Variants in ZHX1 observed in about 807,000 individuals in gnomAD.
ZHX1 encodes the protein zinc fingers and homeoboxes 1.
ZHX1 carries 20 observed loss-of-function variants against 61.8 expected under a neutral mutation model. That is an observed-to-expected ratio of 0.32 (90% CI 0.23 to 0.47). ZHX1 has a LOEUF of 0.47. ZHX1 is among the 20% of genes least tolerant of loss of function. The pLI is 1.00. For missense variants in ZHX1, 800 were observed against 1,034.8 expected (o/e 0.77, Z 3.11); for synonymous variants, 318 against 352.6 (o/e 0.90, Z 1.10).
rs200158721 is a variant in ZHX1, at chr8:123,255,348, T to C, written c.599A>G (p.His200Arg). The C allele has an allele frequency of 1.2e-5, 20 of 1,613,984 alleles. No homozygotes were observed. Among genetic ancestry groups the C allele is most frequent in the Non-Finnish European group, 1.7e-5 (20 of 1,180,028 alleles). The change falls in exon 3 of 4, where the codon CAT becomes CGT. Residue 200 changes from histidine (H) to arginine (R), a missense_variant. Coordinates refer to ENST00000395571, the MANE Select transcript of ZHX1 (RefSeq NM_007222.5). ...TTCAGGAACGTCCTCAACTGAGTTA[T>C]GATGAACTGCAATCCGTTTATTTTC... is the stretch of plus-strand genomic sequence containing the variant. ...KVENKRIAVH[H>R]NSVEDVPEEK...
intron 2 of ZHX1, chr8:123,263,087 GT>G (rs1826334990): frequency 1.9e-5 from 2 of 105,938 alleles, no homozygotes; most frequent in Admixed American, 9.8e-5. Flanking sequence ...AAATATCAAA[GT>G]AAAAAAAAAA....
intron 2 of ZHX1, chr8:123,262,991 A>AG (rs2131209599): frequency 6.7e-6 from 1 of 148,804 alleles, no homozygotes; most frequent in South Asian, 2.2e-4. Flanking sequence ...GAAAGTAGGA[A>AG]GGAAGGAAGA....
intron 1 of ZHX1, among the ~76,000 whole-genome samples, chr8:123,270,893 A>C (rs1381636552): frequency 6.6e-6 from 1 of 152,166 alleles, no homozygotes; most frequent in Non-Finnish European, 1.5e-5. Flanking sequence ...ATTTGTTTAG[A>C]CCAAAGGTAT....
intron 1 of ZHX1, among the ~76,000 whole-genome samples, chr8:123,268,640 C>T (rs1379390952): frequency 6.6e-6 from 1 of 152,056 alleles, no homozygotes; most frequent in African/African-American, 2.4e-5. Context: ...TACAGGCACA[C>T]GCCACCACAC....
chr8:123,261,079 C>A (rs16898206), intron 2 of ZHX1, among the ~76,000 whole-genome samples: 1,815 of 152,154 alleles, frequency 0.012, 40 homozygotes, highest in African/African-American at 0.042. Flanking sequence ...ATTTTGCTAA[C>A]AAAAGTAAGG....
At chr8:123,273,192 C>G (rs549581950) in intron 1 of ZHX1, among the ~76,000 whole-genome samples, 1 of 152,318 alleles carries the variant, frequency 6.6e-6, no homozygotes, top group African/African-American at 2.4e-5. Context: ...AGGGGCTATG[C>G]TCTTTCCTTA....
At chr8:123,257,340 T>A (rs1322009792) in intron 2 of ZHX1, 1 of 152,286 alleles carries the variant, frequency 6.6e-6, no homozygotes. Flanking sequence ...AAACTCCTTG[T>A]GGGACATATA....
Position 123,253,538 on chromosome 8 carries a change from A to G in ZHX1, c.2409T>C (p.Leu803=). 6.2e-7 allele frequency: 1 copy of G among 1,614,198 alleles called. No individual in the cohort carries two copies. Among genetic ancestry groups the G allele is most frequent in the Non-Finnish European group, 8.5e-7 (1 of 1,180,030 alleles). ...KFLNEQDLDE[L]VNKSHMGYEQ... ...CATAGCCCATATGTGATTTGTTAAC[A>G]AGTTCATCAAGGTCTTGCTCATTAA... Residue 803 remains leucine (L), a synonymous_variant, in exon 3 of 4, where the codon CTT becomes CTC. Coordinates refer to ENST00000395571, the MANE Select transcript of ZHX1 (RefSeq NM_007222.5).
At chr8:123,251,414 G>C (rs538535336) in intron 3 of ZHX1, among the ~76,000 whole-genome samples, 2 of 152,246 alleles carry the variant, frequency 1.3e-5, no homozygotes, top group African/African-American at 4.8e-5. Context: ...ACAGTCTTTT[G>C]AAAACTGTAG....
At chr8:123,261,225 G>A (rs901580603) in intron 2 of ZHX1, among the ~76,000 whole-genome samples, 2 of 152,044 alleles carry the variant, frequency 1.3e-5, no homozygotes, top group Non-Finnish European at 2.9e-5. Flanking sequence ...AGGTATCCTC[G>A]GAATTATTAT....
At position 123,254,008 on chromosome 8, in the gene ZHX1, T is replaced by C; in HGVS notation, c.1939A>G (p.Thr647Ala). The C allele has an allele frequency of 6.2e-7, 1 of 1,614,158 alleles. No individual in the cohort carries two copies. Among genetic ancestry groups the C allele is most frequent in the Non-Finnish European group, 8.5e-7 (1 of 1,180,024 alleles). The part of the protein sequence containing the change: ...AGSSKEEAGE[T>A]SPADESGAPK... ...GCACCAGATTCATCTGCAGGAGAAGTTTCTCCAGCTTCTTCTTTGGAACTA... is the reference window on the plus strand; with the variant it reads ...GCACCAGATTCATCTGCAGGAGAAGCTTCTCCAGCTTCTTCTTTGGAACTA... Residue 647 changes from threonine (T) to alanine (A), a missense_variant, in exon 3 of 4, where the codon ACT (threonine) becomes GCT (alanine). Physicochemically the swap from Thr to Ala is moderately conservative, Grantham distance 58. Coordinates refer to ENST00000395571, the MANE Select transcript of ZHX1 (RefSeq NM_007222.5). This position sits in a 1 kb window ranked among gnomAD's most constrained non-coding sequence, Gnocchi z 4.1.
At chr8:123,266,594 A>G (rs1054190069) in intron 2 of ZHX1, among the ~76,000 whole-genome samples, 1 of 152,202 alleles carries the variant, frequency 6.6e-6, no homozygotes, top group Non-Finnish European at 1.5e-5. Context: ...CAGATAAAAT[A>G]TAAAAACAAT....
chr8:123,255,344 G>T lies in ZHX1; in HGVS notation c.603C>A (p.Asn201Lys). ...VENKRIAVHH[N>K]SVEDVPEEKE... Reference sequence around the variant, plus strand: ...TCTCTTCAGGAACGTCCTCAACTGAGTTATGATGAACTGCAATCCGTTTAT... The same window carrying T: ...TCTCTTCAGGAACGTCCTCAACTGATTTATGATGAACTGCAATCCGTTTAT... The change falls in exon 3 of 4, where the codon AAC (asparagine) becomes AAA (lysine). Residue 201 changes from asparagine (N) to lysine (K), a missense_variant. Asn to Lys is a moderately conservative substitution (Grantham distance 94, BLOSUM62 0). Transcript: ENST00000395571. 1 of 1,614,034 alleles carries T rather than the reference G, an allele frequency of 6.2e-7. No individual in the cohort carries two copies.
intron 2 of ZHX1, among the ~76,000 whole-genome samples, chr8:123,265,671 G>T (rs1437107398): frequency 6.6e-6 from 1 of 152,102 alleles, no homozygotes. Context: ...TACATCCACA[G>T]CAAATGTTTT....
chr8:123,269,335 G>C (rs183786419), intron 1 of ZHX1, among the ~76,000 whole-genome samples: 1 of 152,168 alleles, frequency 6.6e-6, no homozygotes, highest in Non-Finnish European at 1.5e-5. Flanking sequence ...GATACCAGAG[G>C]AGCAAAAATG....
chr8:123,257,691 C>T (rs1563810943), intron 2 of ZHX1, among the ~76,000 whole-genome samples: 4 of 152,184 alleles, frequency 2.6e-5, no homozygotes, highest in African/African-American at 9.7e-5. Flanking sequence ...CATGCACAGT[C>T]ACAATAGGGT....
intron 2 of ZHX1, among the ~76,000 whole-genome samples, chr8:123,261,063 C>T (rs925100873): frequency 8.6e-5 from 13 of 152,004 alleles, no homozygotes; most frequent in Non-Finnish European, 1.8e-4. Flanking sequence ...CTGTCAGGTC[C>T]CCATGATTTT....
At position 123,253,677 on chromosome 8, in the gene ZHX1, C is replaced by T. The variant is rs777988701; in HGVS notation, c.2270G>A (p.Arg757His). 14 of 1,614,212 alleles carry T rather than the reference C, an allele frequency of 8.7e-6. No homozygotes were observed. Among genetic ancestry groups the T allele is most frequent in the East Asian group, 2.2e-5 (1 of 44,888 alleles). ...RPKGRGRGRP[R>H]GRPRGSKRIN... ...TCTTTTGCTTCCTCTAGGCCGCCCACGCGGTCTTCCTCTTCCCCGTCCTTT... is the reference window on the plus strand; with the variant it reads ...TCTTTTGCTTCCTCTAGGCCGCCCATGCGGTCTTCCTCTTCCCCGTCCTTT... Residue 757 changes from arginine to histidine, a missense_variant, in exon 3 of 4, where the codon CGT (arginine) becomes CAT (histidine). Coordinates refer to ENST00000395571, the MANE Select transcript of ZHX1 (RefSeq NM_007222.5).
chr8:123,272,543 A>C (rs1326750217), intron 1 of ZHX1, among the ~76,000 whole-genome samples: 1 of 152,228 alleles, frequency 6.6e-6, no homozygotes, highest in Non-Finnish European at 1.5e-5. Flanking sequence ...CGATGGGTAT[A>C]CTAGGGCCAA....
Sources: gnomAD v4.1 joint callset for allele counts (sites outside exome capture counted in the v4.1 genomes callset) on GRCh38, gnomAD v4.1.1 for gene constraint, Gnocchi (gnomAD v3.1) non-coding constraint, MANE v1.5 for transcripts, NCBI Gene and HGNC (gene_info 2026-07-23, HGNC 2026-07-21) for gene names.